ATRNL1: variants seen among roughly 807,000 people sequenced by gnomAD.
ATRNL1 encodes the protein attractin-like protein 1.
Under a neutral mutation model 182.7 loss-of-function variants are expected in ATRNL1, and 95 were observed. The ratio of observed to expected loss-of-function variants is 0.52; its 90% CI spans 0.44 to 0.62. The LOEUF (loss-of-function observed/expected upper bound fraction) is 0.62, where lower values mean the gene tolerates loss of function less well. Among genes scored for constraint, ATRNL1 ranks in the 20% least tolerant of loss-of-function variants. The pLI is 0.00. For missense variants in ATRNL1, 1,471 were observed against 1,679.5 expected (o/e 0.88, Z 2.17); for synonymous variants, 576 against 568.3 (o/e 1.01, Z -0.19).
intron 5 of ATRNL1, among the ~76,000 whole-genome samples, chr10:115,148,414 A>C (rs1846062730): frequency 6.6e-6 from 1 of 152,160 alleles, no homozygotes; most frequent in Admixed American, 6.5e-5. Context: ...TCCTCTTTCC[A>C]GTTTGGATGC....
rs556868361 is a variant in ATRNL1, at chr10:115,833,910, G to C, written c.3904-13967G>C. On this transcript the variant is annotated intron_variant, in intron 27 of 28. Transcript: ENST00000355044. ...AAAGGTCTGCCACATAAGCAACAGG[G>C]CCTGCTCTTCACCATATGTGTTCAT... Among the ~76,000 whole-genome samples the C allele has an allele frequency of 4.6e-5, 7 of 152,246 alleles. No homozygotes were observed. The East Asian group carries it at 1.4e-3, about 29-fold the overall frequency.
intron 21 of ATRNL1, 65 bp from the exon 22 acceptor site, chr10:115,461,876 A>G (rs1554969741): frequency 8.8e-6 from 9 of 1,022,724 alleles, no homozygotes; most frequent in Non-Finnish European, 1.3e-5. Context: ...ATTGTAACCT[A>G]AATTTTGCTT....
intron 20 of ATRNL1, among the ~76,000 whole-genome samples, chr10:115,425,851 T>C (rs1845861544): frequency 6.6e-6 from 1 of 152,020 alleles, no homozygotes; most frequent in African/African-American, 2.4e-5. Flanking sequence ...AGTGTGAAAA[T>C]AATGTGGATT....
At chr10:115,221,284 G>A (rs561005164) in intron 9 of ATRNL1, among the ~76,000 whole-genome samples, 2 of 152,136 alleles carry the variant, frequency 1.3e-5, no homozygotes, top group African/African-American at 4.8e-5. Flanking sequence ...ATATTGTATA[G>A]GATGTCACCA....
At chr10:115,542,162 A>C (rs1236093603) in intron 25 of ATRNL1, among the ~76,000 whole-genome samples, 1 of 152,100 alleles carries the variant, frequency 6.6e-6, no homozygotes, top group African/African-American at 2.4e-5. Context: ...AGTCTTTCTA[A>C]TATGCCATCA....
intron 5 of ATRNL1, among the ~76,000 whole-genome samples, chr10:115,149,068 G>A (rs952625369): frequency 6.6e-5 from 10 of 151,974 alleles, no homozygotes; most frequent in Admixed American, 1.3e-4. Flanking sequence ...TTTTGGAGGC[G>A]GTGTCTGATT....
At chr10:115,277,911 A>G (rs781120102) in intron 13 of ATRNL1, among the ~76,000 whole-genome samples, 16 of 152,192 alleles carry the variant, frequency 1.1e-4, no homozygotes, top group Non-Finnish European at 1.8e-4. Context: ...TGAAGCCTCA[A>G]TGGAGGAAAT....
chr10:115,591,582 G>A (rs1555012262), intron 26 of ATRNL1, among the ~76,000 whole-genome samples: 1 of 152,120 alleles, frequency 6.6e-6, no homozygotes, highest in Non-Finnish European at 1.5e-5. Flanking sequence ...ATGTTACTTG[G>A]AATTTTTGTT....
intron 9 of ATRNL1, among the ~76,000 whole-genome samples, chr10:115,216,609 A>T (rs1849243465): frequency 6.6e-6 from 1 of 151,824 alleles, no homozygotes. Flanking sequence ...TTTTTAATTT[A>T]TTGATTTTTT....
chr10:115,125,256 G>A (rs1343444793), intron 3 of ATRNL1, among the ~76,000 whole-genome samples: 2 of 152,124 alleles, frequency 1.3e-5, no homozygotes, highest in African/African-American at 4.8e-5. Flanking sequence ...TAACCTTTAG[G>A]TAGGTATTAA....
intron 28 of ATRNL1, among the ~76,000 whole-genome samples, chr10:115,858,613 G>A (rs1237514737): frequency 6.6e-6 from 1 of 152,134 alleles, no homozygotes; most frequent in Non-Finnish European, 1.5e-5. Flanking sequence ...TAGGTGATGG[G>A]TTGATAGGTT....
intron 19 of ATRNL1, among the ~76,000 whole-genome samples, chr10:115,382,270 T>C (rs1858058752): frequency 6.6e-6 from 1 of 152,136 alleles, no homozygotes; most frequent in South Asian, 2.1e-4. Context: ...ATGAAATCTA[T>C]AGAGTAAATT....
intron 26 of ATRNL1, among the ~76,000 whole-genome samples, chr10:115,621,254 A>AATATATATATATATATATATATATATAT (rs781830067): frequency 1.4e-5 from 1 of 71,312 alleles, no homozygotes; most frequent in African/African-American, 7.1e-5. Context: ...TTGAGCTCTG[A>AATATATATATATATATATATATATATAT]ATATATATAT....
At chr10:115,809,396 G>C (rs1309560841) in intron 27 of ATRNL1, among the ~76,000 whole-genome samples, 2 of 151,992 alleles carry the variant, frequency 1.3e-5, no homozygotes, top group Non-Finnish European at 2.9e-5. Flanking sequence ...TTGAATCTAT[G>C]GACCAATATA....
At position 115,944,696 on chromosome 10, in the gene ATRNL1, C is replaced by A; in HGVS notation, c.4057C>A (p.Gln1353Lys). The change falls in exon 29 of 29, where the codon CAG becomes AAG. Residue 1353 changes from glutamine (Q) to lysine (K), a missense_variant. By Grantham distance (53) the Gln-to-Lys change is moderately conservative. Coordinates refer to ENST00000355044, the MANE Select transcript of ATRNL1 (RefSeq NM_207303.4). ...IASALIDISQ[Q>K]KASDSKDKTS... ...CAGTGCCCTAATAGATATTTCACAA[C>A]AGAAAGCTTCAGATAGTAAAGATAA... 6.2e-7 allele frequency: 1 copy of A among 1,613,290 alleles called. No individual in the cohort carries two copies. Among genetic ancestry groups the A allele is most frequent in the South Asian group, 1.1e-5 (1 of 90,944 alleles).
At chr10:115,232,176 A>G (rs1345941701) in intron 9 of ATRNL1, among the ~76,000 whole-genome samples, 1 of 152,014 alleles carries the variant, frequency 6.6e-6, no homozygotes, top group Non-Finnish European at 1.5e-5. Context: ...ACCCAACTAT[A>G]CTCCAGCCTC....
intron 21 of ATRNL1, among the ~76,000 whole-genome samples, chr10:115,460,038 T>A (rs1554969428): frequency 1.3e-5 from 2 of 152,222 alleles, no homozygotes; most frequent in Non-Finnish European, 2.9e-5. Flanking sequence ...ATTTACTTGA[T>A]GTCTATAGCA....
chr10:115,815,898 C>T (rs1950153484), intron 27 of ATRNL1, among the ~76,000 whole-genome samples: 1 of 151,984 alleles, frequency 6.6e-6, no homozygotes, highest in African/African-American at 2.4e-5. Flanking sequence ...CCTCAAATTG[C>T]CAGGTAAGAG....
At chr10:115,351,810 G>C (rs1257949931) in intron 19 of ATRNL1, among the ~76,000 whole-genome samples, 2 of 144,880 alleles carry the variant, frequency 1.4e-5, no homozygotes, top group Non-Finnish European at 3.1e-5. Flanking sequence ...TCTAGTTTTG[G>C]TATCAGGATA....
Sources: gnomAD v4.1 joint callset for allele counts (sites outside exome capture counted in the v4.1 genomes callset) on GRCh38, gnomAD v4.1.1 for gene constraint, MANE v1.5 for transcripts, NCBI Gene and HGNC (gene_info 2026-07-23, HGNC 2026-07-21) for gene names.